Variants in PLXNC1 observed in about 807,000 individuals in gnomAD.
PLXNC1 encodes plexin C1.
A neutral mutation model predicts 178.2 loss-of-function variants in PLXNC1; 75 were observed. The ratio of observed to expected loss-of-function variants is 0.42; its 90% CI spans 0.35 to 0.51. The LOEUF (loss-of-function observed/expected upper bound fraction) is 0.51, where lower values mean the gene tolerates loss of function less well. Ranked by LOEUF, PLXNC1 falls within the 20% of genes least tolerant of loss-of-function variation. The probability of loss-of-function intolerance (pLI) is 0.02; values close to 1 mark genes in which losing one functional copy is unlikely to be tolerated. For synonymous variants in PLXNC1, 790 were observed against 779.9 expected, an observed-to-expected ratio of 1.01 and a Z score of -0.22; for missense variants, 1,503 against 1,984.4, an observed-to-expected ratio of 0.76 and a Z score of 4.61.
At chr12:94,267,166 C>G (rs895078862) in intron 21 of PLXNC1, among the ~76,000 whole-genome samples, 5 of 152,258 alleles carry the variant, frequency 3.3e-5, no homozygotes, top group African/African-American at 1.2e-4. Flanking sequence ...GAAATATTTG[C>G]AAATGATTAT....
chr12:94,148,909 TGCCGCGCGCCTGAGCCGCCGTCGCC>T lies in PLXNC1; in HGVS notation c.-52_-28del. ...CCGCCGCCGCCGCCCGCGTCTCCGTTGCCGCGCGCCTGAGCCGCCGTCGCCGCCGCGCGCCCTGCCCGGGGGCGGC... is the reference window on the plus strand; with the variant it reads ...CCGCCGCCGCCGCCCGCGTCTCCGTTGCCGCGCGCCCTGCCCGGGGGCGGC... On this transcript the variant is annotated 5_prime_UTR_variant, in exon 1 of 31. The change abolishes the stop of an existing upstream ORF in the 5' untranslated region. Transcript: ENST00000258526. The surrounding 1 kb of genome is among the most constrained non-coding windows in gnomAD (Gnocchi z 4.8). 15 of 523,354 alleles carry T rather than the reference TGCCGCGCGCCTGAGCCGCCGTCGCC, an allele frequency of 2.9e-5. No individual in the cohort carries two copies. Among genetic ancestry groups the T allele is most frequent in the Non-Finnish European group, 3.9e-5 (15 of 388,252 alleles). 32.4% of individuals were successfully genotyped at this position (523,354 alleles called of 1,614,324 possible).
intron 12 of PLXNC1, 112 bp from the exon 13 acceptor site, chr12:94,247,791 A>C (rs1387918707): frequency 1.1e-6 from 1 of 901,028 alleles, no homozygotes. Flanking sequence ...CATATTACAC[A>C]TGAGAAAACA....
intron 5 of PLXNC1, among the ~76,000 whole-genome samples, chr12:94,212,057 G>A (rs1407495840): frequency 1.7e-4 from 26 of 151,908 alleles, no homozygotes; most frequent in South Asian, 4.1e-4. Context: ...GGCGGATCAC[G>A]AGGTCAGGAG....
intron 12 of PLXNC1, 150 bp from the exon 13 acceptor site, chr12:94,247,753 C>T: frequency 1.5e-6 from 1 of 684,606 alleles, no homozygotes; most frequent in South Asian, 1.7e-5. Flanking sequence ...TGAAGTCAAT[C>T]CTGTGAGGGA....
At chr12:94,252,017 AT>A (rs1491410661) in intron 15 of PLXNC1, among the ~76,000 whole-genome samples, 4 of 151,884 alleles carry the variant, frequency 2.6e-5, no homozygotes, top group East Asian at 3.9e-4. Flanking sequence ...AAAAAACAAA[AT>A]TTTTTTTTAA....
In PLXNC1 at chr12:94,216,167, C is replaced by G. The variant is rs141942262; in HGVS notation, c.1555-3849C>G. Among the ~76,000 whole-genome samples, 881 of 151,900 alleles carry G rather than the reference C, an allele frequency of 5.8e-3. 12 individuals are homozygous for G. Among genetic ancestry groups the G allele is most frequent in the African/African-American group, 0.02 (835 of 41,408 alleles). The stretch of plus-strand genomic sequence containing the variant: ...TCTGTAATCCCAGCTACTCGGGAGG[C>G]TGAGGCAGGAGAATCGCTTAAATCT... On this transcript the variant is annotated intron_variant, in intron 5 of 30. Coordinates refer to ENST00000258526, the MANE Select transcript of PLXNC1 (RefSeq NM_005761.3).
At chr12:94,244,133 TA>T in intron 12 of PLXNC1, 108 bp downstream of exon 12, 1 of 579,664 alleles carries the variant, frequency 1.7e-6, no homozygotes. Flanking sequence ...TTTGGTGTTA[TA>T]AACTTTTACC....
intron 1 of PLXNC1, chr12:94,168,056 C>T (rs1961688294): frequency 6.6e-6 from 1 of 152,142 alleles, no homozygotes; most frequent in South Asian, 2.1e-4. Context: ...AAGACATAAA[C>T]ACTGTTGGCG....
At chr12:94,278,389 T>G (rs1054325224) in intron 21 of PLXNC1, among the ~76,000 whole-genome samples, 1 of 152,246 alleles carries the variant, frequency 6.6e-6, no homozygotes, top group African/African-American at 2.4e-5. Flanking sequence ...TTAGATCTAT[T>G]TGTTCTTAGA....
At chr12:94,208,711 G>A (rs1002636361) in intron 4 of PLXNC1, among the ~76,000 whole-genome samples, 5 of 152,172 alleles carry the variant, frequency 3.3e-5, no homozygotes, top group Admixed American at 2.6e-4. Context: ...CTATTCAATG[G>A]AATATCTGTG....
rs1057977 is a variant in PLXNC1, at chr12:94,303,749, T to C, written c.4387-7T>C. On this transcript the variant is annotated splice_region_variant and splice_polypyrimidine_tract_variant and intron_variant, in intron 28 of 30. Coordinates refer to ENST00000258526, the MANE Select transcript of PLXNC1 (RefSeq NM_005761.3). The stretch of plus-strand genomic sequence containing the variant: ...GATGGTTGCTTTTTTTTTTTTTTTT[T>C]CCCCAGGAAGCACCAACTAATAAGC... 213,803 of 1,335,926 alleles carry C rather than the reference T, an allele frequency of 0.16. 15,048 individuals carry two copies. The highest frequency in any genetic ancestry group is 0.26 in the African/African-American group (16,452 of 62,728). The allele number at this position is 1,335,926 out of a possible 1,614,324, so 82.8% of individuals were successfully genotyped here. A position where few individuals can be genotyped will look rare whatever the true frequency, so the allele number is the denominator to read the frequency against.
At chr12:94,279,231 C>T (rs1464042465) in intron 21 of PLXNC1, among the ~76,000 whole-genome samples, 1 of 152,044 alleles carries the variant, frequency 6.6e-6, no homozygotes, top group African/African-American at 2.4e-5. Context: ...ATATTTTACT[C>T]TCAGATATAT....
intron 2 of PLXNC1, among the ~76,000 whole-genome samples, chr12:94,180,838 C>G (rs1962277368): frequency 6.6e-6 from 1 of 152,244 alleles, no homozygotes; most frequent in African/African-American, 2.4e-5. Context: ...TCCTATAGGG[C>G]CAGACATGGT....
chr12:94,193,228 G>A (rs571795136), intron 4 of PLXNC1, among the ~76,000 whole-genome samples: 26 of 152,308 alleles, frequency 1.7e-4, no homozygotes, highest in African/African-American at 2.4e-4. Flanking sequence ...TTAAAAGTGC[G>A]ACCAGATCAG....
At chr12:94,251,853 G>A (rs1033739359) in intron 15 of PLXNC1, among the ~76,000 whole-genome samples, 3 of 152,272 alleles carry the variant, frequency 2.0e-5, no homozygotes, top group Non-Finnish European at 2.9e-5. Flanking sequence ...TTAGCCGGGC[G>A]TGATGGCAGG....
chr12:94,232,940 G>A (rs766415249), intron 9 of PLXNC1, among the ~76,000 whole-genome samples: 76 of 152,258 alleles, frequency 5.0e-4, no homozygotes, highest in Non-Finnish European at 4.9e-4. Context: ...ACCCTACATT[G>A]TATGCCCTAA....
intron 5 of PLXNC1, among the ~76,000 whole-genome samples, chr12:94,212,038 G>T (rs1432554042): frequency 6.6e-6 from 1 of 152,094 alleles, no homozygotes; most frequent in Non-Finnish European, 1.5e-5. Context: ...ACGTTGGGAG[G>T]CCGAGGCGGG....
chr12:94,182,907 C>CT lies in PLXNC1; in HGVS notation c.1338+1327_1338+1328insT, dbSNP rs1555196307. Among the ~76,000 whole-genome samples the CT allele has an allele frequency of 1.5e-4, 20 of 133,858 alleles. No homozygotes were observed. In the East Asian group the frequency reaches 3.3e-3, roughly 22 times the overall value. 87.8% of individuals were successfully genotyped at this position (133,858 alleles called of 152,430 possible). ...TCTATCTATCTATCTATCTATCTAT[C>CT]ATCTATCTATCTATCTATAGGTTAG... On this transcript the variant is annotated intron_variant, in intron 3 of 30. Transcript: ENST00000258526.
intron 4 of PLXNC1, among the ~76,000 whole-genome samples, chr12:94,192,856 T>G (rs1330430597): frequency 6.6e-6 from 1 of 152,140 alleles, no homozygotes; most frequent in Non-Finnish European, 1.5e-5. Context: ...GTCATTCTAG[T>G]ACAGGATGGA....
Sources: allele counts gnomAD v4.1 joint callset (sites outside exome capture counted in the v4.1 genomes callset), GRCh38; gene constraint gnomAD v4.1.1; non-coding constraint Gnocchi (gnomAD v3.1); transcripts MANE v1.5; gene names NCBI Gene and HGNC (gene_info 2026-07-23, HGNC 2026-07-21).